Variants in LIMS2 observed in about 807,000 individuals in gnomAD.
The protein encoded by LIMS2 is LIM zinc finger domain containing 2.
A neutral mutation model predicts 45.3 loss-of-function variants in LIMS2; 30 were observed. That is an observed-to-expected ratio of 0.66 (90% CI 0.50 to 0.90). The LOEUF (loss-of-function observed/expected upper bound fraction) is 0.90, where lower values mean the gene tolerates loss of function less well. Ranked by LOEUF, LIMS2 falls within the 40% of genes least tolerant of loss-of-function variation. LIMS2 has a pLI of 0.00. For missense variants in LIMS2, 485 were observed against 468.7 expected (o/e 1.03, Z -0.32); for synonymous variants, 173 against 188.0 (o/e 0.92, Z 0.65).
At chr2:127,657,192 G>A (rs895037847) in intron 2 of LIMS2, among the ~76,000 whole-genome samples, 5 of 152,240 alleles carry the variant, frequency 3.3e-5, no homozygotes, top group African/African-American at 1.2e-4. Flanking sequence ...GCTGGTGAAA[G>A]GTGGCTCTCT....
intron 1 of LIMS2, among the ~76,000 whole-genome samples, chr2:127,666,931 G>A (rs762433716): frequency 6.6e-6 from 1 of 152,166 alleles, no homozygotes; most frequent in Non-Finnish European, 1.5e-5. Flanking sequence ...CCCTTGACAC[G>A]TGGGGATTAT....
Position 127,671,374 on chromosome 2 carries a change from A to C in LIMS2, c.11+3640T>G, listed in dbSNP as rs991793846. Reference sequence around the variant, plus strand: ...CTTGAACCTGGGAGGCAGAGGTTGCAGTGAGCTGAGATCACGCCACTGCAC... The same window carrying C: ...CTTGAACCTGGGAGGCAGAGGTTGCCGTGAGCTGAGATCACGCCACTGCAC... On this transcript the variant is annotated intron_variant, in intron 1 of 9. Transcript: ENST00000355119. This position sits in a 1 kb window ranked among gnomAD's most constrained non-coding sequence, Gnocchi z 4.1. Among the ~76,000 whole-genome samples the C allele has an allele frequency of 1.3e-5, 2 of 151,770 alleles. No homozygotes were observed. The highest frequency in any genetic ancestry group is 4.8e-5 in the African/African-American group (2 of 41,278).
chr2:127,658,103 G>C (rs1373278080), intron 1 of LIMS2, among the ~76,000 whole-genome samples: 1 of 152,216 alleles, frequency 6.6e-6, no homozygotes, highest in Non-Finnish European at 1.5e-5. Context: ...AGGGTAGCTG[G>C]GTGCGTGTGC....
chr2:127,657,642 A>T (rs1459816027), intron 1 of LIMS2, 80 bp from the exon 2 acceptor site: 1 of 1,384,214 alleles, frequency 7.2e-7, no homozygotes. Context: ...TGCGCCCGAC[A>T]GACACACCTC....
At chr2:127,657,632 T>G in intron 1 of LIMS2, 70 bp from the exon 2 acceptor site, 1 of 1,447,514 alleles carries the variant, frequency 6.9e-7, no homozygotes, top group Non-Finnish European at 9.4e-7. Context: ...CGCGGGGGCC[T>G]GCGCCCGACA....
At chr2:127,649,165 T>TAGGAAGGAAGGAAGG (rs1683403594) in intron 4 of LIMS2, among the ~76,000 whole-genome samples, 1 of 134,236 alleles carries the variant, frequency 7.4e-6, no homozygotes, top group South Asian at 2.5e-4. Flanking sequence ...GAGAGGAAGG[T>TAGGAAGGAAGGAAGG]AGGAAGGAAG....
chr2:127,663,643 C>T (rs1030427718), intron 1 of LIMS2, among the ~76,000 whole-genome samples: 8 of 151,838 alleles, frequency 5.3e-5, no homozygotes, highest in African/African-American at 1.9e-4. Flanking sequence ...CGCCCCAGCC[C>T]TTCTGCCCAG....
rs1231250938 is a variant in LIMS2 at position 127,639,549 on chromosome 2, C to T, written c.879-121G>A. 3.2e-6 allele frequency: 4 copies of T among 1,230,774 alleles called. No individual in the cohort carries two copies. The African/African-American group carries it at 4.5e-5, about 14-fold the overall frequency. The allele number at this position is 1,230,774 out of a possible 1,614,324, so 76.2% of individuals were successfully genotyped here. On this transcript the variant is annotated intron_variant, in intron 9 of 9. Coordinates refer to ENST00000355119, the MANE Select transcript of LIMS2 (RefSeq NM_001161403.3). ...CCCCACACCAGCCTCTCCTAGCCAG[C>T]AGGCCAGGCCCTAGGGTGAGATGGC...
chr2:127,657,098 A>G (rs1684309081), intron 2 of LIMS2, among the ~76,000 whole-genome samples: 1 of 152,114 alleles, frequency 6.6e-6, no homozygotes, highest in Non-Finnish European at 1.5e-5. Flanking sequence ...TGCTGTGCTC[A>G]CTGTCTAGTC....
In LIMS2 at chr2:127,651,169, C is replaced by T. The variant is rs1368566676; in HGVS notation, c.359+3255G>A. ...GTCAAGTCCCTCAAGCTCCGCAGGC[C>T]CCTCTACGCACACCTGGCCTGTGCC... On this transcript the variant is annotated intron_variant, in intron 4 of 9. Coordinates refer to ENST00000355119, the MANE Select transcript of LIMS2 (RefSeq NM_001161403.3). 2 of 1,612,686 alleles carry T rather than the reference C, an allele frequency of 1.2e-6. No individual in the cohort carries two copies. Among genetic ancestry groups the T allele is most frequent in the Non-Finnish European group, 1.7e-6 (2 of 1,179,966 alleles).
Position 127,667,216 on chromosome 2 carries a change from G to A in LIMS2, c.11+7798C>T, listed in dbSNP as rs1172165369. ...TGAGGCAGGAGAATCACTTGAACCT[G>A]GAAGGCGGAGGTTGCAGTGAGCTGA... On this transcript the variant is annotated intron_variant, in intron 1 of 9. Coordinates refer to ENST00000355119, the MANE Select transcript of LIMS2 (RefSeq NM_001161403.3). This position sits in a 1 kb window ranked among gnomAD's most constrained non-coding sequence, Gnocchi z 4.1. 6.6e-6 allele frequency among the ~76,000 whole-genome samples: 1 copy of A among 152,172 alleles called. No homozygotes were observed. Among genetic ancestry groups the A allele is most frequent in the Admixed American group, 6.5e-5 (1 of 15,284 alleles).
rs2254680 is a variant in LIMS2 at position 127,639,843 on chromosome 2, T to C, written c.878+227A>G. Among the ~76,000 whole-genome samples, 100,091 of 152,032 alleles carry C rather than the reference T, an allele frequency of 0.66. 35,029 individuals are homozygous for C. Among genetic ancestry groups the C allele is most frequent in the African/African-American group, 0.9 (37,494 of 41,504 alleles). On this transcript the variant is annotated intron_variant, in intron 9 of 9. Coordinates refer to ENST00000355119, the MANE Select transcript of LIMS2 (RefSeq NM_001161403.3). ...GGTTCTGGCAGGTGTGTTGGAGGCA[T>C]GAGTGTTCCTCCTCCTCTCACTGTG...
intron 4 of LIMS2, chr2:127,649,917 T>G: frequency 9.9e-7 from 1 of 1,013,862 alleles, no homozygotes; most frequent in Non-Finnish European, 1.5e-6. Context: ...TGCTGCCCCC[T>G]GGTGGTGGAT....
rs1306821427 is a variant in LIMS2, at chr2:127,664,546, C to A, written c.12-6984G>T. ...GCGCTGGTCGCGAGCTCACGTTACG[C>A]GCTGGGATCTCCAAAGGGCAGCAGA... On this transcript the variant is annotated intron_variant, in intron 1 of 9. Coordinates refer to ENST00000355119, the MANE Select transcript of LIMS2 (RefSeq NM_001161403.3). This position sits in a 1 kb window ranked among gnomAD's most constrained non-coding sequence, Gnocchi z 5.5. The A allele has an allele frequency of 8.7e-7, 1 of 1,150,496 alleles. No homozygotes were observed. Among genetic ancestry groups the A allele is most frequent in the Admixed American group, 4.7e-5 (1 of 21,142 alleles). 71.3% of individuals were successfully genotyped at this position (1,150,496 alleles called of 1,614,324 possible).
chr2:127,651,258 A>T, intron 4 of LIMS2: 1 of 1,606,472 alleles, frequency 6.2e-7, no homozygotes, highest in Non-Finnish European at 8.5e-7. Flanking sequence ...GACCGTGCAG[A>T]CCAACCACAC....
Position 127,672,942 on chromosome 2 carries a change from G to A in LIMS2, c.11+2072C>T, listed in dbSNP as rs1315433855. Among the ~76,000 whole-genome samples the A allele has an allele frequency of 3.3e-5, 5 of 152,336 alleles. No homozygotes were observed. The highest frequency in any genetic ancestry group is 3.4e-3 in the Middle Eastern group (1 of 294). The stretch of plus-strand genomic sequence containing the variant: ...AGGATCCAGGCACGAGGAGCTGCCC[G>A]GGATCACATGGGAACAGTGGACGTG... On this transcript the variant is annotated intron_variant, in intron 1 of 9. Coordinates refer to ENST00000355119, the MANE Select transcript of LIMS2 (RefSeq NM_001161403.3). The surrounding 1 kb of genome is among the most constrained non-coding windows in gnomAD (Gnocchi z 4.9).
chr2:127,650,488 G>A (rs993180077), intron 4 of LIMS2: 37 of 566,630 alleles, frequency 6.5e-5, no homozygotes, highest in Non-Finnish European at 9.7e-5. Flanking sequence ...GCATAGCGGC[G>A]AAATTCCAAG....
At chr2:127,680,159 G>A (rs139192691), upstream of LIMS2, among the ~76,000 whole-genome samples, 107 of 152,326 alleles carry the variant, frequency 7.0e-4, no homozygotes, top group East Asian at 9.8e-3. Flanking sequence ...GGGGGGGAGC[G>A]GGGAAGCACC....
chr2:127,658,984 G>A (rs1467418946), intron 1 of LIMS2, among the ~76,000 whole-genome samples: 1 of 152,224 alleles, frequency 6.6e-6, no homozygotes, highest in Non-Finnish European at 1.5e-5. Context: ...TCTGCGGCCT[G>A]CAATCTGGGC....
Sources: allele counts gnomAD v4.1 joint callset (sites outside exome capture counted in the v4.1 genomes callset), GRCh38; gene constraint gnomAD v4.1.1; non-coding constraint Gnocchi (gnomAD v3.1); transcripts MANE v1.5; gene names NCBI Gene and HGNC (gene_info 2026-07-23, HGNC 2026-07-21).